Variants in TAOK1 observed in about 807,000 individuals in gnomAD.
The protein encoded by TAOK1 is serine/threonine-protein kinase TAO1.
In TAOK1, 21 loss-of-function variants were observed where a neutral mutation model predicts 138.3. That is an observed-to-expected ratio of 0.15 (90% CI 0.11 to 0.22). TAOK1 has a LOEUF of 0.22. Ranked by LOEUF, TAOK1 falls within the 10% of genes least tolerant of loss-of-function variation. The probability of loss-of-function intolerance (pLI) is 1.00; values close to 1 mark genes in which losing one functional copy is unlikely to be tolerated. For synonymous variants in TAOK1, 361 were observed against 398.4 expected, an observed-to-expected ratio of 0.91 and a Z score of 1.12; for missense variants, 651 against 1,227.7, an observed-to-expected ratio of 0.53 and a Z score of 7.02.
intron 1 of TAOK1, among the ~76,000 whole-genome samples, chr17:29,416,196 A>G (rs2153021378): frequency 6.6e-6 from 1 of 152,272 alleles, no homozygotes; most frequent in East Asian, 1.9e-4. Context: ...CCCAGGAGAC[A>G]GAGGTTGCAG....
intron 1 of TAOK1, among the ~76,000 whole-genome samples, chr17:29,392,245 T>G (rs890678542): frequency 6.6e-6 from 1 of 152,144 alleles, no homozygotes; most frequent in Non-Finnish European, 1.5e-5. Flanking sequence ...AATTATTACA[T>G]ACAGACAGCC....
intron 19 of TAOK1, among the ~76,000 whole-genome samples, chr17:29,536,106 C>G (rs898145997): frequency 1.3e-5 from 2 of 151,158 alleles, no homozygotes; most frequent in African/African-American, 4.9e-5. Flanking sequence ...CAAGACCAGC[C>G]TGGCCAACAT....
At chr17:29,443,786 A>G (rs573786995) in intron 1 of TAOK1, among the ~76,000 whole-genome samples, 1 of 152,308 alleles carries the variant, frequency 6.6e-6, no homozygotes, top group South Asian at 2.1e-4. Context: ...GTTTCATAGT[A>G]CCTTTAAAAA....
intron 2 of TAOK1, among the ~76,000 whole-genome samples, chr17:29,454,832 G>A (rs971282440): frequency 2.0e-5 from 3 of 151,990 alleles, no homozygotes; most frequent in Non-Finnish European, 4.4e-5. Context: ...CTCTCAAGTA[G>A]CTGGGACTAC....
chr17:29,528,385 T>C (rs1485409715), intron 17 of TAOK1, among the ~76,000 whole-genome samples: 2 of 152,184 alleles, frequency 1.3e-5, no homozygotes, highest in Non-Finnish European at 2.9e-5. Flanking sequence ...AGTTTTTGCT[T>C]GTGTTAAAGA....
chr17:29,494,859 A>T (rs960360120), intron 10 of TAOK1, among the ~76,000 whole-genome samples: 1 of 150,964 alleles, frequency 6.6e-6, no homozygotes, highest in African/African-American at 2.4e-5. Flanking sequence ...GAATTCAAGG[A>T]TATTTCGTAG....
intron 8 of TAOK1, among the ~76,000 whole-genome samples, chr17:29,483,648 T>G (rs910544473): frequency 6.6e-6 from 1 of 152,212 alleles, no homozygotes; most frequent in African/African-American, 2.4e-5. Context: ...TTGGAATTCC[T>G]CTGTTAACTA....
intron 2 of TAOK1, among the ~76,000 whole-genome samples, chr17:29,461,289 A>G (rs1433011189): frequency 6.6e-6 from 1 of 152,170 alleles, no homozygotes; most frequent in African/African-American, 2.4e-5. Context: ...TACATACGGT[A>G]ATTGTACTTT....
rs1364673180 is a variant in TAOK1 at position 29,548,641 on chromosome 17, A to T, written c.*5619A>T. ...CAGAATTCCCCCCAAAGTACGGGTA[A>T]TTCAACCTGCACAGTTTTCTTTCAC... is the stretch of plus-strand genomic sequence containing the variant. On this transcript the variant is annotated 3_prime_UTR_variant, in exon 20 of 20. Coordinates refer to ENST00000261716, the MANE Select transcript of TAOK1 (RefSeq NM_020791.4). 1 of 152,162 alleles carries T rather than the reference A, an allele frequency of 6.6e-6. No homozygotes were observed. The allele number at this position is 152,162 out of a possible 1,614,324, so 9.4% of individuals were successfully genotyped here. A position where few individuals can be genotyped will look rare whatever the true frequency, so the allele number is the denominator to read the frequency against.
chr17:29,533,221 G>A (rs1167626645), intron 18 of TAOK1, among the ~76,000 whole-genome samples: 3 of 146,480 alleles, frequency 2.0e-5, no homozygotes, highest in Non-Finnish European at 3.0e-5. Context: ...GGGCAGAGGC[G>A]CTCCCCACAT....
chr17:29,537,604 A>G (rs534282013), intron 19 of TAOK1, among the ~76,000 whole-genome samples: 1 of 148,894 alleles, frequency 6.7e-6, no homozygotes, highest in South Asian at 2.1e-4. Context: ...CAATCTGTCC[A>G]CCTCGGCCTC....
chr17:29,466,890 A>G (rs2030682146), intron 2 of TAOK1, among the ~76,000 whole-genome samples: 1 of 151,758 alleles, frequency 6.6e-6, no homozygotes, highest in East Asian at 1.9e-4. Context: ...AAATTTCTGT[A>G]TTTTTCTTCT....
intron 1 of TAOK1, among the ~76,000 whole-genome samples, chr17:29,404,313 C>T (rs1174796894): frequency 6.6e-6 from 1 of 152,068 alleles, no homozygotes; most frequent in Non-Finnish European, 1.5e-5. Flanking sequence ...CAGCCCTGTG[C>T]TACCACACCC....
intron 1 of TAOK1, among the ~76,000 whole-genome samples, chr17:29,407,912 A>G (rs537850085): frequency 6.6e-6 from 1 of 152,176 alleles, no homozygotes; most frequent in Non-Finnish European, 1.5e-5. Flanking sequence ...TCTGTCACCC[A>G]GGCTGCTGGA....
At chr17:29,482,096 G>T in intron 7 of TAOK1, 101 bp from the exon 8 acceptor site, 1 of 805,140 alleles carries the variant, frequency 1.2e-6, no homozygotes, top group South Asian at 1.8e-5. Context: ...ATATTGGCTA[G>T]AATTCAAACC....
Position 29,395,988 on chromosome 17 carries a change from A to G in TAOK1, c.-95+4964A>G, listed in dbSNP as rs573899425. Among the ~76,000 whole-genome samples, 6 of 151,872 alleles carry G rather than the reference A, an allele frequency of 4.0e-5. No individual in the cohort carries two copies. The South Asian group carries it at 1.0e-3, about 26-fold the overall frequency. On this transcript the variant is annotated intron_variant, in intron 1 of 19. Coordinates refer to ENST00000261716, the MANE Select transcript of TAOK1 (RefSeq NM_020791.4). Reference sequence around the variant, plus strand: ...CGGCCCGATTTCCGTACTTACTATTAATGGTTGGATTTTAAAAATTATTCT... The same window carrying G: ...CGGCCCGATTTCCGTACTTACTATTGATGGTTGGATTTTAAAAATTATTCT...
At chr17:29,395,142 G>A (rs763873658) in intron 1 of TAOK1, among the ~76,000 whole-genome samples, 2 of 152,096 alleles carry the variant, frequency 1.3e-5, no homozygotes, top group Non-Finnish European at 2.9e-5. Flanking sequence ...TACCTGGCAG[G>A]CTGAGGTGGG....
chr17:29,447,637 C>T (rs1292261566), intron 1 of TAOK1, among the ~76,000 whole-genome samples: 1 of 151,726 alleles, frequency 6.6e-6, no homozygotes, highest in Non-Finnish European at 1.5e-5. Flanking sequence ...CCTCACCCGG[C>T]CTTTTTATTT....
intron 1 of TAOK1, among the ~76,000 whole-genome samples, chr17:29,446,624 A>G (rs1287161925): frequency 6.6e-6 from 1 of 152,110 alleles, no homozygotes; most frequent in Non-Finnish European, 1.5e-5. Flanking sequence ...ACTTAGAAGT[A>G]TGTCATTCAC....
Sources: gnomAD v4.1 joint callset for allele counts (sites outside exome capture counted in the v4.1 genomes callset) on GRCh38, gnomAD v4.1.1 for gene constraint, MANE v1.5 for transcripts, NCBI Gene and HGNC (gene_info 2026-07-23, HGNC 2026-07-21) for gene names.